The following IPO11 variants were observed in gnomAD, a reference collection of about 807,000 sequenced individuals.
IPO11 encodes the protein importin-11.
A neutral mutation model predicts 143.2 loss-of-function variants in IPO11; 66 were observed. The ratio of observed to expected loss-of-function variants is 0.46; its 90% CI spans 0.38 to 0.57. IPO11 has a LOEUF of 0.57. IPO11 is among the 20% of genes least tolerant of loss of function. IPO11 has a pLI of 0.00. For missense variants in IPO11, 1,026 were observed against 1,141.0 expected, an observed-to-expected ratio of 0.90 and a Z score of 1.45; for synonymous variants, 385 against 377.8, an observed-to-expected ratio of 1.02 and a Z score of -0.22.
intron 1 of IPO11, among the ~76,000 whole-genome samples, chr5:62,429,769 A>C (rs1489653285): frequency 6.6e-6 from 1 of 152,008 alleles, no homozygotes; most frequent in Non-Finnish European, 1.5e-5. Context: ...GACTATAGGC[A>C]TGTGCCACCA....
At chr5:62,467,295 A>C (rs1246027727) in intron 6 of IPO11, 32 bp downstream of exon 6, 1 of 1,596,034 alleles carries the variant, frequency 6.3e-7, no homozygotes, top group Non-Finnish European at 8.5e-7. Context: ...TCATTTTTGA[A>C]ATGAGATACC....
At chr5:62,515,854 T>TA (rs1002017917) in intron 20 of IPO11, among the ~76,000 whole-genome samples, 19 of 152,284 alleles carry the variant, frequency 1.2e-4, no homozygotes, top group Middle Eastern at 6.8e-3. Context: ...TGATTTAAAA[T>TA]AAAAAAATTC....
chr5:62,492,899 A>G (rs27751), intron 15 of IPO11, among the ~76,000 whole-genome samples: 123,616 of 151,954 alleles, frequency 0.81, 50,998 homozygotes, highest in African/African-American at 0.95. Flanking sequence ...TAAAATTGCA[A>G]TTTTTTGGGA....
chr5:62,443,018 A>G lies in IPO11; in HGVS notation c.174A>G (p.Val58=), dbSNP rs756798276. 2 of 1,611,180 alleles carry G rather than the reference A, an allele frequency of 1.2e-6. No homozygotes were observed. Among genetic ancestry groups the G allele is most frequent in the East Asian group, 2.2e-5 (1 of 44,796 alleles). The change falls in exon 3 of 30, where the codon GTA becomes GTG. Residue 58 remains valine (V), a synonymous_variant. Transcript: ENST00000325324. ...CCAACCACACTTTGGATATAAATGT[A>G]AGGTGGCTTGCTGTACTGTATTTTA... ...IFTNHTLDIN[V]RWLAVLYFKH...
chr5:62,420,064 G>T (rs1219622351), intron 1 of IPO11, among the ~76,000 whole-genome samples: 2 of 152,078 alleles, frequency 1.3e-5, no homozygotes, highest in African/African-American at 2.4e-5. Flanking sequence ...GCCAAGGCGG[G>T]TGGATCACGG....
chr5:62,610,934 C>T (rs1745905487), intron 29 of IPO11, among the ~76,000 whole-genome samples: 1 of 152,050 alleles, frequency 6.6e-6, no homozygotes, highest in Non-Finnish European at 1.5e-5. Context: ...TATTACCAGG[C>T]CAGTTTCTTA....
chr5:62,514,371 C>G (rs1330054387), intron 19 of IPO11, among the ~76,000 whole-genome samples: 1 of 152,032 alleles, frequency 6.6e-6, no homozygotes, highest in African/African-American at 2.4e-5. Context: ...TGGCGGAACA[C>G]TCGCGGCTAG....
chr5:62,424,810 T>C (rs1419078743), intron 1 of IPO11, among the ~76,000 whole-genome samples: 2 of 152,154 alleles, frequency 1.3e-5, no homozygotes, highest in Non-Finnish European at 2.9e-5. Context: ...ATTCCTTTAC[T>C]CCTGTCACTC....
At chr5:62,555,074 G>A (rs906790453) in intron 26 of IPO11, among the ~76,000 whole-genome samples, 1 of 152,070 alleles carries the variant, frequency 6.6e-6, no homozygotes, top group Non-Finnish European at 1.5e-5. Flanking sequence ...TTTTTGCTCA[G>A]CATTGCTTTG....
intron 3 of IPO11, among the ~76,000 whole-genome samples, chr5:62,447,741 A>G (rs1744770435): frequency 6.6e-6 from 1 of 151,416 alleles, no homozygotes. Flanking sequence ...GCGTGCCACC[A>G]TGCCTGGCTA....
chr5:62,547,787 G>GC (rs1247444815), intron 24 of IPO11, among the ~76,000 whole-genome samples: 1 of 151,934 alleles, frequency 6.6e-6, no homozygotes, highest in Non-Finnish European at 1.5e-5. Context: ...ATGGATTGGG[G>GC]CCAGCCACAG....
chr5:62,503,557 A>G (rs1561338472), intron 16 of IPO11, among the ~76,000 whole-genome samples: 1 of 151,986 alleles, frequency 6.6e-6, no homozygotes, highest in Non-Finnish European at 1.5e-5. Context: ...ATAGTTCCTC[A>G]TTGAATAGTT....
Position 62,535,003 on chromosome 5 carries a change from T to C in IPO11, c.2090-1699T>C, listed in dbSNP as rs115109874. Among the ~76,000 whole-genome samples the C allele has an allele frequency of 7.6e-3, 1,092 of 143,028 alleles. 14 individuals are homozygous for C. Among genetic ancestry groups the C allele is most frequent in the African/African-American group, 0.027 (1,027 of 38,128 alleles). The allele number at this position is 143,028 out of a possible 152,430, so 93.8% of individuals were successfully genotyped here. A position where few individuals can be genotyped will look rare whatever the true frequency, so the allele number is the denominator to read the frequency against. ...CAGATAAATTTGTTAATTTTAAGGC[T>C]ATGTATAATATTAATATTTATTTAT... On this transcript the variant is annotated intron_variant, in intron 22 of 29. Transcript: ENST00000325324.
chr5:62,614,528 G>A lies in IPO11; in HGVS notation c.2764-12626G>A, dbSNP rs185704595. Among the ~76,000 whole-genome samples the A allele has an allele frequency of 8.5e-5, 13 of 152,068 alleles. No homozygotes were observed. In the East Asian group the frequency reaches 9.7e-4, roughly 11 times the overall value. ...GAAATGCTGAAGAGTTACCTGACCC[G>A]CCCCCCCTCACCCCGCAGGATATGC... is the stretch of plus-strand genomic sequence containing the variant. On this transcript the variant is annotated intron_variant, in intron 29 of 29. Coordinates refer to ENST00000325324, the MANE Select transcript of IPO11 (RefSeq NM_016338.5).
chr5:62,579,341 T>TA (rs979142366), intron 27 of IPO11: 22 of 1,059,736 alleles, frequency 2.1e-5, no homozygotes, highest in South Asian at 2.8e-5. Context: ...TATAGTATTA[T>TA]AAAAAAAATT....
At chr5:62,544,167 C>T (rs2112336105) in intron 24 of IPO11, among the ~76,000 whole-genome samples, 1 of 152,120 alleles carries the variant, frequency 6.6e-6, no homozygotes, top group African/African-American at 2.4e-5. Flanking sequence ...GAATTTTAGA[C>T]CAATATCCCT....
chr5:62,475,217 T>A (rs27931), intron 8 of IPO11, among the ~76,000 whole-genome samples: 70,280 of 150,568 alleles, frequency 0.47, 16,502 homozygotes, highest in South Asian at 0.53. Context: ...AAAATAGATT[T>A]AAAAAAAAAG....
At chr5:62,617,378 T>G (rs1746179414) in intron 29 of IPO11, among the ~76,000 whole-genome samples, 1 of 152,222 alleles carries the variant, frequency 6.6e-6, no homozygotes, top group Non-Finnish European at 1.5e-5. Context: ...CATGTTTGGT[T>G]TTATAGTATA....
chr5:62,591,240 T>C (rs1744998916), intron 27 of IPO11, among the ~76,000 whole-genome samples: 1 of 152,188 alleles, frequency 6.6e-6, no homozygotes, highest in African/African-American at 2.4e-5. Context: ...CACAGTGTCA[T>C]TAGAAGAGCA....
Sources: allele counts gnomAD v4.1 joint callset (sites outside exome capture counted in the v4.1 genomes callset), GRCh38; gene constraint gnomAD v4.1.1; transcripts MANE v1.5; gene names NCBI Gene and HGNC (gene_info 2026-07-23, HGNC 2026-07-21).